Variants in MCU observed in about 807,000 individuals in gnomAD.
MCU encodes the protein calcium uniporter protein, mitochondrial.
Under a neutral mutation model 45.2 loss-of-function variants are expected in MCU, and 12 were observed. The observed-to-expected ratio is 0.27, with a 90% CI of 0.17 to 0.43. The LOEUF is 0.43. Among genes scored for constraint, MCU ranks in the 20% least tolerant of loss-of-function variants. The pLI is 1.00. For synonymous variants in MCU, 160 were observed against 165.1 expected, an observed-to-expected ratio of 0.97 and a Z score of 0.24; for missense variants, 324 against 436.7, an observed-to-expected ratio of 0.74 and a Z score of 2.30.
intron 1 of MCU, among the ~76,000 whole-genome samples, chr10:72,728,773 T>C (rs146148432): frequency 1.3e-5 from 2 of 152,250 alleles, no homozygotes; most frequent in Admixed American, 6.5e-5. Flanking sequence ...GAATGACTTG[T>C]TGAGAGTAGG....
Position 72,864,533 on chromosome 10 carries a change from TATG to T in MCU, c.496+4009_496+4011del, listed in dbSNP as rs534533540. On this transcript the variant is annotated intron_variant, in intron 4 of 7. Coordinates refer to ENST00000373053, the MANE Select transcript of MCU (RefSeq NM_138357.3). Reference sequence around the variant, plus strand: ...CACTATAAATTTATTTTCCCTTCTTTATGATTTTAATGTTTTATTTTCTCTAGC... The same window carrying T: ...CACTATAAATTTATTTTCCCTTCTTTATTTTAATGTTTTATTTTCTCTAGC... Among the ~76,000 whole-genome samples, 221 of 152,352 alleles carry T rather than the reference TATG, an allele frequency of 1.5e-3. 2 individuals are homozygous for T. The highest frequency in any genetic ancestry group is 4.9e-3 in the African/African-American group (202 of 41,578).
intron 2 of MCU, among the ~76,000 whole-genome samples, chr10:72,842,276 G>A (rs1050717716): frequency 3.9e-5 from 6 of 152,166 alleles, no homozygotes; most frequent in African/African-American, 9.7e-5. Flanking sequence ...TAGAAAAACC[G>A]CAGAGATCTT....
intron 1 of MCU, 199 bp downstream of exon 1, chr10:72,692,500 C>A: frequency 1.1e-6 from 1 of 937,526 alleles, no homozygotes; most frequent in Non-Finnish European, 1.3e-6. Context: ...CGGGAGGAAG[C>A]CGAGAGGAGG....
intron 1 of MCU, among the ~76,000 whole-genome samples, chr10:72,726,181 T>A (rs1369153867): frequency 1.3e-5 from 2 of 151,922 alleles, no homozygotes; most frequent in African/African-American, 4.8e-5. Flanking sequence ...ATCGTAGGCA[T>A]TGGCCGTGGC....
intron 1 of MCU, among the ~76,000 whole-genome samples, chr10:72,705,990 A>G (rs187310014): frequency 6.6e-6 from 1 of 152,244 alleles, no homozygotes; most frequent in Non-Finnish European, 1.5e-5. Flanking sequence ...CTCAAAAAAA[A>G]AGGGGGTATA....
chr10:72,754,697 C>G (rs1843549373), intron 1 of MCU, among the ~76,000 whole-genome samples: 1 of 152,180 alleles, frequency 6.6e-6, no homozygotes, highest in Non-Finnish European at 1.5e-5. Flanking sequence ...GTCCTGACCT[C>G]AGGTCATCCA....
intron 1 of MCU, among the ~76,000 whole-genome samples, chr10:72,738,882 G>C (rs1024895556): frequency 8.5e-5 from 13 of 152,062 alleles, no homozygotes; most frequent in African/African-American, 3.1e-4. Context: ...ACATCTTTTT[G>C]TGTGGGATAT....
At chr10:72,856,859 G>T (rs1454314831) in intron 2 of MCU, among the ~76,000 whole-genome samples, 8 of 143,598 alleles carry the variant, frequency 5.6e-5, no homozygotes, top group Non-Finnish European at 9.0e-5. Context: ...CAAAAGAATC[G>T]CTTGAGCTTG....
chr10:72,819,561 T>G (rs771706841), intron 1 of MCU, among the ~76,000 whole-genome samples: 23 of 152,192 alleles, frequency 1.5e-4, no homozygotes, highest in Non-Finnish European at 2.8e-4. Context: ...CACTTTCAGT[T>G]TCCTAGGCTG....
chr10:72,777,808 C>T (rs1843918393), intron 1 of MCU, among the ~76,000 whole-genome samples: 1 of 152,010 alleles, frequency 6.6e-6, no homozygotes, highest in Non-Finnish European at 1.5e-5. Flanking sequence ...GATTAGTAAC[C>T]AGAATATATA....
At chr10:72,885,689 G>A in intron 7 of MCU, 56 bp from the exon 8 acceptor site, 1 of 1,087,070 alleles carries the variant, frequency 9.2e-7, no homozygotes, top group Non-Finnish European at 1.4e-6. Context: ...TTGGTAGACA[G>A]TAATATCATT....
chr10:72,692,441 C>T, intron 1 of MCU, 140 bp downstream of exon 1: 1 of 778,344 alleles, frequency 1.3e-6, no homozygotes, highest in Non-Finnish European at 1.6e-6. Context: ...ACCGAGGAGC[C>T]GCCGTGCCCT....
chr10:72,757,123 T>G (rs1304980544), intron 1 of MCU: 1 of 152,050 alleles, frequency 6.6e-6, no homozygotes, highest in African/African-American at 2.4e-5. Flanking sequence ...AGTGGTTTTA[T>G]CAGTCAGGGT....
chr10:72,725,887 A>C (rs1348945572), intron 1 of MCU, among the ~76,000 whole-genome samples: 1 of 152,176 alleles, frequency 6.6e-6, no homozygotes, highest in African/African-American at 2.4e-5. Context: ...TGTCTGAAAA[A>C]AAAGAAAAAA....
intron 1 of MCU, among the ~76,000 whole-genome samples, chr10:72,700,252 G>A (rs538221984): frequency 1.3e-5 from 2 of 152,086 alleles, no homozygotes; most frequent in African/African-American, 4.8e-5. Context: ...TTGGAGACAG[G>A]ATTTCGCCAT....
At chr10:72,841,786 T>G (rs1845052190) in intron 2 of MCU, among the ~76,000 whole-genome samples, 1 of 152,198 alleles carries the variant, frequency 6.6e-6, no homozygotes, top group Non-Finnish European at 1.5e-5. Context: ...AAGTTTTGCC[T>G]GCTACCCCAG....
chr10:72,840,963 G>A (rs189981441), intron 2 of MCU, among the ~76,000 whole-genome samples: 2 of 152,160 alleles, frequency 1.3e-5, no homozygotes, highest in Non-Finnish European at 2.9e-5. Context: ...TAAGCTTTAT[G>A]TGCTGACAGT....
At chr10:72,794,457 C>T (rs569444570) in intron 1 of MCU, among the ~76,000 whole-genome samples, 77 of 152,314 alleles carry the variant, frequency 5.1e-4, no homozygotes, top group African/African-American at 1.8e-3. Flanking sequence ...CTGGGCTCTT[C>T]ATTCGCTGAG....
chr10:72,830,184 G>C (rs1021788022), intron 1 of MCU, among the ~76,000 whole-genome samples: 11 of 151,982 alleles, frequency 7.2e-5, no homozygotes, highest in African/African-American at 2.7e-4. Flanking sequence ...AGTTGAGTGG[G>C]GTATAGAGAG....
Sources: allele counts gnomAD v4.1 joint callset (sites outside exome capture counted in the v4.1 genomes callset), GRCh38; gene constraint gnomAD v4.1.1; transcripts MANE v1.5; gene names NCBI Gene and HGNC (gene_info 2026-07-23, HGNC 2026-07-21).